Variants in SLC25A24 observed in about 807,000 individuals in gnomAD.
SLC25A24 encodes mitochondrial adenyl nucleotide antiporter SLC25A24.
A neutral mutation model predicts 60.7 loss-of-function variants in SLC25A24; 49 were observed. The ratio of observed to expected loss-of-function variants is 0.81; its 90% CI spans 0.64 to 1.02. SLC25A24 has a LOEUF of 1.02. Among genes scored for constraint, SLC25A24 ranks in the 50% least tolerant of loss-of-function variants. The probability of loss-of-function intolerance (pLI) is 0.00; values close to 1 mark genes in which losing one functional copy is unlikely to be tolerated. For missense variants in SLC25A24, 564 were observed against 586.3 expected (o/e 0.96, Z 0.39); for synonymous variants, 202 against 200.6 (o/e 1.01, Z -0.06).
chr1:108,136,791 T>C lies in SLC25A24; in HGVS notation c.1296A>G (p.Arg432=). ...GTATTCCTTCTTTGGAAATAATTCGTCGAAAGAGGCCAACCATATTCAGCT... is the reference window on the plus strand; with the variant it reads ...GTATTCCTTCTTTGGAAATAATTCGCCGAAAGAGGCCAACCATATTCAGCT... The part of the protein sequence containing the change: ...SPQLNMVGLF[R]RIISKEGIPG... Residue 432 remains arginine (R), a synonymous_variant, in exon 10 of 10, where the codon CGA becomes CGG. Coordinates refer to ENST00000565488, the MANE Select transcript of SLC25A24 (RefSeq NM_013386.5). 7 of 1,614,090 alleles carry C rather than the reference T, an allele frequency of 4.3e-6. No homozygotes were observed. Among genetic ancestry groups the C allele is most frequent in the Non-Finnish European group, 5.9e-6 (7 of 1,180,008 alleles).
chr1:108,148,368 CAGTA>C lies in SLC25A24; in HGVS notation c.837_840del (p.Thr280LysfsTer6). On this transcript the variant is annotated frameshift_variant, in exon 7 of 10. Transcript: ENST00000565488. LOFTEE classifies it high-confidence loss of function. ...AATGTTCCTATTTTTTGTCCTTCTT[CAGTA>C]AGTAACTTCTTGTACTGTATAAACA... 1 of 1,606,488 alleles carries C rather than the reference CAGTA, an allele frequency of 6.2e-7. No homozygotes were observed. Among genetic ancestry groups the C allele is most frequent in the Non-Finnish European group, 8.5e-7 (1 of 1,173,196 alleles).
intron 1 of SLC25A24, among the ~76,000 whole-genome samples, chr1:108,188,353 A>G (rs746216376): frequency 6.6e-6 from 1 of 152,156 alleles, no homozygotes; most frequent in Non-Finnish European, 1.5e-5. Flanking sequence ...ACAAATGTGC[A>G]CACACCCTCC....
intron 3 of SLC25A24, among the ~76,000 whole-genome samples, chr1:108,178,793 A>T (rs1197419350): frequency 6.6e-6 from 1 of 152,068 alleles, no homozygotes. Context: ...AAGCTCGAGG[A>T]CAGAGTGAGA....
rs112903656 is a variant in SLC25A24 at position 108,153,423 on chromosome 1, A to G, written c.822+1560T>C. The stretch of plus-strand genomic sequence containing the variant: ...CCTATTTACCCCGAAGTAATTTACA[A>G]TCCACTGGGAAAACAATGGGTTTTC... On this transcript the variant is annotated intron_variant, in intron 6 of 9. Coordinates refer to ENST00000565488, the MANE Select transcript of SLC25A24 (RefSeq NM_013386.5). 5.5e-3 allele frequency among the ~76,000 whole-genome samples: 834 copies of G among 152,326 alleles called. 6 individuals carry two copies. The highest frequency in any genetic ancestry group is 0.02 in the African/African-American group (816 of 41,572).
At chr1:108,140,784 A>C (rs1414641635) in intron 8 of SLC25A24, among the ~76,000 whole-genome samples, 4 of 150,958 alleles carry the variant, frequency 2.6e-5, no homozygotes, top group Non-Finnish European at 5.9e-5. Context: ...AATGCACACA[A>C]AGGGAAATGA....
chr1:108,139,824 C>T (rs999487804), intron 8 of SLC25A24, among the ~76,000 whole-genome samples: 2 of 152,084 alleles, frequency 1.3e-5, no homozygotes, highest in African/African-American at 2.4e-5. Flanking sequence ...GCTGGCAAGG[C>T]TGATCTCAAA....
rs1679267720 is a variant in SLC25A24, at chr1:108,135,837, C to T, written c.*816G>A. 6.6e-6 allele frequency: 1 copy of T among 152,518 alleles called. No individual in the cohort carries two copies. The highest frequency in any genetic ancestry group is 6.5e-5 in the Admixed American group (1 of 15,272). 9.4% of individuals were successfully genotyped at this position (152,518 alleles called of 1,614,324 possible). A position where few individuals can be genotyped will look rare whatever the true frequency, so the allele number is the denominator to read the frequency against. ...TTCCTGACTAAAACGGAATCTGATT[C>T]AAAAGGTAGGAAACAAAGGACAAAG... On this transcript the variant is annotated 3_prime_UTR_variant, in exon 10 of 10. Transcript: ENST00000565488.
chr1:108,194,632 T>C lies in SLC25A24; in HGVS notation c.183+5324A>G, dbSNP rs972587982. Among the ~76,000 whole-genome samples, 2 of 151,956 alleles carry C rather than the reference T, an allele frequency of 1.3e-5. 1 individual carries two copies. Among genetic ancestry groups the C allele is most frequent in the Admixed American group, 1.3e-4 (2 of 15,238 alleles). ...CTTTCTGCTTTTTGAAATTACCCTG[T>C]TCATTATTTGCTTATTATTTTTTAT... On this transcript the variant is annotated intron_variant, in intron 1 of 9. Transcript: ENST00000565488.
intron 8 of SLC25A24, 122 bp from the exon 9 acceptor site, chr1:108,139,330 A>T (rs1679380294): frequency 2.0e-6 from 2 of 1,010,828 alleles, no homozygotes; most frequent in Admixed American, 5.8e-5. Context: ...ACGCATTTGC[A>T]GAAGCAGCAG....
At chr1:108,196,799 G>C (rs960201950) in intron 1 of SLC25A24, among the ~76,000 whole-genome samples, 1 of 144,262 alleles carries the variant, frequency 6.9e-6, no homozygotes, top group African/African-American at 2.7e-5. Context: ...ATTCATGAAG[G>C]CTCCACAGGA....
chr1:108,181,285 A>AC (rs1425819746), intron 3 of SLC25A24, among the ~76,000 whole-genome samples: 3 of 104,896 alleles, frequency 2.9e-5, no homozygotes, highest in African/African-American at 1.4e-4. Context: ...CAATATTAAT[A>AC]CAATATAATT....
chr1:108,192,575 T>C lies in SLC25A24; in HGVS notation c.184-6621A>G. ...CTCAAAAATGTCCAAGGTCCCATCCTTGTTATAGTCCAGGTACCAAAAGAG... is the reference window on the plus strand; with the variant it reads ...CTCAAAAATGTCCAAGGTCCCATCCCTGTTATAGTCCAGGTACCAAAAGAG... On this transcript the variant is annotated intron_variant, in intron 1 of 9. Transcript: ENST00000565488. 2 of 1,499,426 alleles carry C rather than the reference T, an allele frequency of 1.3e-6. 1 individual carries two copies. The highest frequency in any genetic ancestry group is 1.8e-6 in the Non-Finnish European group (2 of 1,114,046). The allele number at this position is 1,499,426 out of a possible 1,614,324, so 92.9% of individuals were successfully genotyped here.
intron 3 of SLC25A24, among the ~76,000 whole-genome samples, chr1:108,167,960 G>A (rs1175244275): frequency 6.6e-6 from 1 of 152,184 alleles, no homozygotes; most frequent in African/African-American, 2.4e-5. Context: ...GAAACTCTGA[G>A]TGTACCAGGA....
chr1:108,182,740 G>C (rs1647974763), intron 2 of SLC25A24, among the ~76,000 whole-genome samples: 1 of 152,080 alleles, frequency 6.6e-6, no homozygotes, highest in African/African-American at 2.4e-5. Context: ...GGCTAAAAGA[G>C]GAAAATTGCT....
At chr1:108,147,521 C>T (rs1679636893) in intron 7 of SLC25A24, among the ~76,000 whole-genome samples, 1 of 152,122 alleles carries the variant, frequency 6.6e-6, no homozygotes. Flanking sequence ...GATTTTAGAT[C>T]TTTCTCACTT....
intron 4 of SLC25A24, 29 bp from the exon 5 acceptor site, chr1:108,157,649 C>T (rs759715378): frequency 7.5e-6 from 12 of 1,596,764 alleles, no homozygotes; most frequent in South Asian, 2.3e-5. Context: ...GATCCCCATG[C>T]GCCTTAGTTA....
At chr1:108,179,574 G>T (rs1458021409) in intron 3 of SLC25A24, among the ~76,000 whole-genome samples, 1 of 151,652 alleles carries the variant, frequency 6.6e-6, no homozygotes, top group Non-Finnish European at 1.5e-5. Flanking sequence ...AAAACTATTC[G>T]GCCATTAAAA....
chr1:108,161,086 T>A lies in SLC25A24; in HGVS notation c.510+96A>T, dbSNP rs114170059. 3.1e-3 allele frequency: 2,013 copies of A among 652,116 alleles called. 26 individuals are homozygous for A. The African/African-American group carries it at 0.033, about 11-fold the overall frequency. The allele number at this position is 652,116 out of a possible 1,614,324, so 40.4% of individuals were successfully genotyped here. On this transcript the variant is annotated intron_variant, in intron 4 of 9. Coordinates refer to ENST00000565488, the MANE Select transcript of SLC25A24 (RefSeq NM_013386.5). ...GGTTAAGGAGCTACTGGGACTCAGG[T>A]ATCCTGGCCCATAAGTGTTACAGAG...
chr1:108,189,613 A>G (rs543063), intron 1 of SLC25A24, among the ~76,000 whole-genome samples: 130,298 of 152,116 alleles, frequency 0.86, 56,258 homozygotes, highest in African/African-American at 0.95. Context: ...TCAGAAGTAC[A>G]AGACCAGTCT....
Sources: gnomAD v4.1 joint callset for allele counts (sites outside exome capture counted in the v4.1 genomes callset) on GRCh38, gnomAD v4.1.1 for gene constraint, MANE v1.5 for transcripts, NCBI Gene and HGNC (gene_info 2026-07-23, HGNC 2026-07-21) for gene names.